The following RBFOX3 variants were observed in gnomAD, a reference collection of about 807,000 sequenced individuals.
The protein encoded by RBFOX3 is RNA binding protein fox-1 homolog 3.
In RBFOX3, 17 loss-of-function variants were observed where a neutral mutation model predicts 48.7. The observed-to-expected ratio is 0.35, with a 90% CI of 0.24 to 0.52. The LOEUF (loss-of-function observed/expected upper bound fraction) is 0.52. Among genes scored for constraint, RBFOX3 ranks in the 20% least tolerant of loss-of-function variants. RBFOX3 has a pLI of 0.94. For missense variants in RBFOX3, 382 were observed against 497.5 expected (o/e 0.77, Z 2.21); for synonymous variants, 212 against 209.5 (o/e 1.01, Z -0.10).
At position 79,242,186 on chromosome 17, in the gene RBFOX3, C is replaced by T. The variant is rs8074692; in HGVS notation, c.-73-6381G>A. Among the ~76,000 whole-genome samples the T allele has an allele frequency of 4.6e-5, 7 of 152,052 alleles. No individual in the cohort carries two copies. The highest frequency in any genetic ancestry group is 4.8e-5 in the African/African-American group (2 of 41,486). The stretch of plus-strand genomic sequence containing the variant: ...AGACCTTGGGAGCTCTGGTTCCCAG[C>T]GTGCTGCTGCTGCTGGTGGAGGGGG... On this transcript the variant is annotated intron_variant, in intron 3 of 14. Coordinates refer to ENST00000693108, the MANE Select transcript of RBFOX3 (RefSeq NM_001350451.2). This position sits in a 1 kb window ranked among gnomAD's most constrained non-coding sequence, Gnocchi z 5.8.
intron 4 of RBFOX3, among the ~76,000 whole-genome samples, chr17:79,190,827 C>T (rs557419885): frequency 6.6e-5 from 10 of 152,284 alleles, no homozygotes; most frequent in African/African-American, 1.7e-4. Context: ...AGAGCAAAGC[C>T]GTGCATAAAG....
chr17:79,165,464 G>A (rs1349175404), intron 4 of RBFOX3, among the ~76,000 whole-genome samples: 5 of 152,312 alleles, frequency 3.3e-5, no homozygotes, highest in African/African-American at 1.2e-4. Context: ...AGGGCACAGC[G>A]GGGTCCCATC....
At chr17:79,612,512 G>A (rs1416480792), upstream of RBFOX3, among the ~76,000 whole-genome samples, 10 of 152,306 alleles carry the variant, frequency 6.6e-5, no homozygotes, top group East Asian at 1.7e-3. Context: ...GGCCAAGACA[G>A]TGGCCGCTGC....
intron 2 of RBFOX3, among the ~76,000 whole-genome samples, chr17:79,318,854 CAAAAAAAAAAAAAA>C (rs71161660): frequency 6.1e-5 from 2 of 32,524 alleles, no homozygotes; most frequent in African/African-American, 2.9e-4. Flanking sequence ...GACTCCATCT[CAAAAAAAAAAAAAA>C]AAAAAAAAAA....
intron 1 of RBFOX3, among the ~76,000 whole-genome samples, chr17:79,524,799 T>C (rs2086587681): frequency 6.6e-6 from 1 of 152,050 alleles, no homozygotes; most frequent in South Asian, 2.1e-4. Flanking sequence ...CATGGCATCA[T>C]GGGTGGGTTC....
At chr17:79,353,903 C>A (rs544454943) in intron 2 of RBFOX3, among the ~76,000 whole-genome samples, 3 of 152,202 alleles carry the variant, frequency 2.0e-5, no homozygotes, top group African/African-American at 7.2e-5. Context: ...GTCCCACCCC[C>A]GCGTTACCCA....
At chr17:79,447,008 G>A (rs532002773) in intron 2 of RBFOX3, among the ~76,000 whole-genome samples, 1 of 152,376 alleles carries the variant, frequency 6.6e-6, no homozygotes, top group East Asian at 1.9e-4. Flanking sequence ...CACAGCCAAA[G>A]CCTACCTTGG....
chr17:79,603,918 G>C (rs2093768189), intron 1 of RBFOX3: 2 of 152,336 alleles, frequency 1.3e-5, no homozygotes, highest in African/African-American at 4.8e-5. Flanking sequence ...CACCATCAGA[G>C]GTCAGCTCCG....
At chr17:79,297,986 C>T (rs1169768951) in intron 3 of RBFOX3, among the ~76,000 whole-genome samples, 1 of 152,228 alleles carries the variant, frequency 6.6e-6, no homozygotes, top group Non-Finnish European at 1.5e-5. Flanking sequence ...GTAGCTTCTC[C>T]TTGTGGAGAG....
chr17:79,368,963 G>A (rs1388359248), intron 2 of RBFOX3, among the ~76,000 whole-genome samples: 1 of 152,168 alleles, frequency 6.6e-6, no homozygotes, highest in Non-Finnish European at 1.5e-5. Flanking sequence ...GCTTCACGAA[G>A]GCAGGAAAAG....
At chr17:79,145,798 C>T (rs55975030) in intron 4 of RBFOX3, among the ~76,000 whole-genome samples, 6,508 of 152,256 alleles carry the variant, frequency 0.043, 412 homozygotes, top group African/African-American at 0.13. Context: ...CTCAGCCGGG[C>T]GACGGTGCCC....
intron 1 of RBFOX3, among the ~76,000 whole-genome samples, chr17:79,547,949 C>G (rs1555792459): frequency 6.6e-6 from 1 of 152,224 alleles, no homozygotes; most frequent in Non-Finnish European, 1.5e-5. Flanking sequence ...GAGGCCCTGC[C>G]GAGGGCTGGC....
chr17:79,527,182 G>T lies in RBFOX3; in HGVS notation c.-319-44584C>A, dbSNP rs1028027744. Among the ~76,000 whole-genome samples, 11 of 152,366 alleles carry T rather than the reference G, an allele frequency of 7.2e-5. No individual in the cohort carries two copies. In the South Asian group the frequency reaches 1.2e-3, roughly 17 times the overall value. On this transcript the variant is annotated intron_variant, in intron 1 of 14. Transcript: ENST00000693108. ...CAGACAAAGGAGAATCCTTTAGCTC[G>T]GCTTGGTCTCCTGTCTGCACCTGCG...
chr17:79,222,582 C>T (rs1044057283), intron 4 of RBFOX3, among the ~76,000 whole-genome samples: 4 of 152,218 alleles, frequency 2.6e-5, no homozygotes, highest in Admixed American at 1.3e-4. Context: ...CATGTCCTCT[C>T]GCACGTGTCC....
At chr17:79,374,676 CCTT>C (rs1169930837) in intron 2 of RBFOX3, among the ~76,000 whole-genome samples, 1 of 152,228 alleles carries the variant, frequency 6.6e-6, no homozygotes, top group African/African-American at 2.4e-5. Flanking sequence ...CGGGCTTTCT[CCTT>C]GTTTTCACAC....
intron 3 of RBFOX3, among the ~76,000 whole-genome samples, chr17:79,255,552 G>A (rs912513591): frequency 2.2e-4 from 33 of 152,146 alleles, no homozygotes; most frequent in African/African-American, 8.0e-4. Context: ...GAGGCAGCCA[G>A]AAGCCGAGGC....
intron 1 of RBFOX3, among the ~76,000 whole-genome samples, chr17:79,597,807 A>G (rs1161888356): frequency 2.6e-5 from 4 of 152,144 alleles, no homozygotes; most frequent in African/African-American, 9.7e-5. Context: ...GGGCCCCCAA[A>G]GTGGAAATGA....
chr17:79,166,773 G>C (rs1441926861), intron 4 of RBFOX3, among the ~76,000 whole-genome samples: 1 of 152,208 alleles, frequency 6.6e-6, no homozygotes, highest in South Asian at 2.1e-4. Context: ...CTCAGTGGGA[G>C]AATCGAAACA....
chr17:79,139,236 GC>G (rs144512814), intron 4 of RBFOX3, among the ~76,000 whole-genome samples: 11 of 151,100 alleles, frequency 7.3e-5, no homozygotes, highest in Admixed American at 1.3e-4. Context: ...CAAACACAGG[GC>G]CCCCCCCACC....
Sources: gnomAD v4.1 joint callset for allele counts (sites outside exome capture counted in the v4.1 genomes callset) on GRCh38, gnomAD v4.1.1 for gene constraint, Gnocchi (gnomAD v3.1) non-coding constraint, MANE v1.5 for transcripts, NCBI Gene and HGNC (gene_info 2026-07-23, HGNC 2026-07-21) for gene names.